Variants in BRIP1 observed in about 807,000 individuals in gnomAD.
BRIP1 encodes the protein BRCA1 interacting DNA helicase 1.
BRIP1 carries 88 observed loss-of-function variants against 119.7 expected under a neutral mutation model. The ratio of observed to expected loss-of-function variants is 0.74; its 90% confidence interval spans 0.62 to 0.88. The LOEUF is 0.88. Among genes scored for constraint, BRIP1 ranks in the 40% least tolerant of loss-of-function variants. BRIP1 has a pLI of 0.00. For missense variants in BRIP1, 1,259 were observed against 1,455.4 expected (o/e 0.87, Z 2.20); for synonymous variants, 443 against 496.5 (o/e 0.89, Z 1.43).
rs747391961 is a variant in BRIP1 at position 61,857,241 on chromosome 17, A to T, written c.206-10T>A. ...TCATCTGCTGGTTTCCCTAAAAATG[A>T]AAGAACATCTATTTATAATATATCT... On this transcript the variant is annotated splice_polypyrimidine_tract_variant and intron_variant, in intron 3 of 19. Transcript: ENST00000259008. The surrounding 1 kb of genome is among the most constrained non-coding windows in gnomAD (Gnocchi z 5.1). 5 of 1,606,238 alleles carry T rather than the reference A, an allele frequency of 3.1e-6. No homozygotes were observed. The South Asian group carries it at 5.5e-5, about 18-fold the overall frequency.
Position 61,799,353 on chromosome 17 carries a change from CAGCAGGCA to C in BRIP1, c.1141-62_1141-55del. On this transcript the variant is annotated intron_variant, in intron 8 of 19. Coordinates refer to ENST00000259008, the MANE Select transcript of BRIP1 (RefSeq NM_032043.3). This position sits in a 1 kb window ranked among gnomAD's most constrained non-coding sequence, Gnocchi z 5.1. ...ACATTTGGCAAAATAGATTTAACAACAGCAGGCAAGATATTTCATTTTAAAATTCACAC... is the reference window on the plus strand; with the variant it reads ...ACATTTGGCAAAATAGATTTAACAACAGATATTTCATTTTAAAATTCACAC... The C allele has an allele frequency of 7.4e-7, 1 of 1,360,316 alleles. No individual in the cohort carries two copies. Among genetic ancestry groups the C allele is most frequent in the South Asian group, 1.2e-5 (1 of 83,546 alleles). The allele number at this position is 1,360,316 out of a possible 1,614,324, so 84.3% of individuals were successfully genotyped here. A position where few individuals can be genotyped will look rare whatever the true frequency, so the allele number is the denominator to read the frequency against.
chr17:61,743,408 T>C lies in BRIP1; in HGVS notation c.2258-274A>G, dbSNP rs890058849. ...AGTAAAAACATGTCAGAATAGCAACTTGCATATGAACTGTGTGATTATAAA... is the reference window on the plus strand; with the variant it reads ...AGTAAAAACATGTCAGAATAGCAACCTGCATATGAACTGTGTGATTATAAA... On this transcript the variant is annotated intron_variant, in intron 15 of 19. Coordinates refer to ENST00000259008, the MANE Select transcript of BRIP1 (RefSeq NM_032043.3). The surrounding 1 kb of genome is among the most constrained non-coding windows in gnomAD (Gnocchi z 4.3). Among the ~76,000 whole-genome samples, 2 of 152,152 alleles carry C rather than the reference T, an allele frequency of 1.3e-5. No homozygotes were observed. The highest frequency in any genetic ancestry group is 6.5e-5 in the Admixed American group (1 of 15,268).
chr17:61,706,142 C>A lies in BRIP1; in HGVS notation c.2492+9809G>T, dbSNP rs2061687104. 6.6e-6 allele frequency among the ~76,000 whole-genome samples: 1 copy of A among 151,940 alleles called. No homozygotes were observed. Among genetic ancestry groups the A allele is most frequent in the Admixed American group, 6.6e-5 (1 of 15,250 alleles). On this transcript the variant is annotated intron_variant, in intron 17 of 19. Transcript: ENST00000259008. The surrounding 1 kb of genome is among the most constrained non-coding windows in gnomAD (Gnocchi z 5.7). ...TCTTATGTCTTCTTGGTGAATTCAC[C>A]CTTTTATCATTATGTAATGTTCTCT... is the stretch of plus-strand genomic sequence containing the variant.
At position 61,726,514 on chromosome 17, in the gene BRIP1, C is replaced by A. The variant is rs2076767929; in HGVS notation, c.2380-10451G>T. 6.6e-6 allele frequency among the ~76,000 whole-genome samples: 1 copy of A among 152,158 alleles called. No homozygotes were observed. The highest frequency in any genetic ancestry group is 2.1e-4 in the South Asian group (1 of 4,824). ...ATCATTTTACCACCTGGACCGATTCCTTCTGAAAGAGCTCTGACTACATTA... is the reference window on the plus strand; with the variant it reads ...ATCATTTTACCACCTGGACCGATTCATTCTGAAAGAGCTCTGACTACATTA... On this transcript the variant is annotated intron_variant, in intron 16 of 19. Transcript: ENST00000259008. This position sits in a 1 kb window ranked among gnomAD's most constrained non-coding sequence, Gnocchi z 6.2.
At position 61,801,408 on chromosome 17, in the gene BRIP1, G is replaced by A. The variant is rs2077991700; in HGVS notation, c.985C>T (p.Gln329Ter). 6.2e-7 allele frequency: 1 copy of A among 1,613,852 alleles called. No individual in the cohort carries two copies. The highest frequency in any genetic ancestry group is 2.2e-5 in the East Asian group (1 of 44,854). The part of the protein sequence containing the change: ...ISDQHTLQTF[Q>*]GMCKAWDIEE... Reference sequence around the variant, plus strand: ...ATATCCCAGGCTTTGCACATCCCTTGGAAAGTCTGTAATGTGTGCTGATCA... The same window carrying A: ...ATATCCCAGGCTTTGCACATCCCTTAGAAAGTCTGTAATGTGTGCTGATCA... Residue 329 changes from glutamine to a stop codon, truncating the protein, a stop_gained, in exon 8 of 20, where the codon CAA becomes TAA. Transcript: ENST00000259008. LOFTEE classifies it high-confidence loss of function.
In BRIP1 at chr17:61,680,583, C is replaced by T. The variant is rs1007603841; in HGVS notation, c.*2713G>A. ...CAAGCTCCACCTCCCGGGTTCACGC[C>T]ATTCTCCTGCCTCAGCCTCCTGAGT... is the stretch of plus-strand genomic sequence containing the variant. On this transcript the variant is annotated 3_prime_UTR_variant, in exon 20 of 20. Transcript: ENST00000259008. Among the ~76,000 whole-genome samples the T allele has an allele frequency of 2.0e-5, 3 of 148,434 alleles. No individual in the cohort carries two copies. The highest frequency in any genetic ancestry group is 7.5e-5 in the African/African-American group (3 of 39,862).
chr17:61,682,399 T>C lies in BRIP1; in HGVS notation c.*897A>G, dbSNP rs747741322. The C allele has an allele frequency of 4.9e-6, 1 of 205,438 alleles. No individual in the cohort carries two copies. Among genetic ancestry groups the C allele is most frequent in the African/African-American group, 2.3e-5 (1 of 43,862 alleles). 12.7% of individuals were successfully genotyped at this position (205,438 alleles called of 1,614,324 possible). ...TGATGGTGAAGCTAAATAATTAGAA[T>C]AGAAAATTTGGAATACTTCATTTGG... On this transcript the variant is annotated 3_prime_UTR_variant, in exon 20 of 20. Transcript: ENST00000259008. This position sits in a 1 kb window ranked among gnomAD's most constrained non-coding sequence, Gnocchi z 4.9.
chr17:61,826,122 A>C (rs988167297), intron 6 of BRIP1, among the ~76,000 whole-genome samples: 1 of 152,212 alleles, frequency 6.6e-6, no homozygotes, highest in African/African-American at 2.4e-5. Context: ...CTGATCTTGA[A>C]CAAACCTACC....
At chr17:61,801,593 T>C (rs1387063487) in intron 7 of BRIP1, 119 bp from the exon 8 acceptor site, 3 of 949,254 alleles carry the variant, frequency 3.2e-6, no homozygotes, top group South Asian at 2.8e-5. Context: ...TTTTACTGGC[T>C]ACGCCACCAC....
Position 61,838,984 on chromosome 17 carries a change from A to G in BRIP1, c.627+8117T>C, listed in dbSNP as rs371221245. On this transcript the variant is annotated intron_variant, in intron 6 of 19. Transcript: ENST00000259008. ...TGAAACCACCTATCCCAAAATCTAC[A>G]GAAAATACTTTTATGATTTATAATA... is the stretch of plus-strand genomic sequence containing the variant. Among the ~76,000 whole-genome samples the G allele has an allele frequency of 6.6e-5, 10 of 152,246 alleles. No individual in the cohort carries two copies. In the South Asian group the frequency reaches 1.2e-3, roughly 19 times the overall value.
At position 61,752,262 on chromosome 17, in the gene BRIP1, T is replaced by A. The variant is rs531694055; in HGVS notation, c.2098-7671A>T. On this transcript the variant is annotated intron_variant, in intron 14 of 19. Coordinates refer to ENST00000259008, the MANE Select transcript of BRIP1 (RefSeq NM_032043.3). The surrounding 1 kb of genome is among the most constrained non-coding windows in gnomAD (Gnocchi z 6.2). ...TTAATATGATGAGTTAGAGGAGGGG[T>A]TATAACAGGTACATTTAGGCTACTA... Among the ~76,000 whole-genome samples, 65 of 151,982 alleles carry A rather than the reference T, an allele frequency of 4.3e-4. No individual in the cohort carries two copies. The highest frequency in any genetic ancestry group is 1.5e-3 in the African/African-American group (62 of 41,458).
rs2144506257 is a variant in BRIP1 at position 61,724,627 on chromosome 17, T to C, written c.2380-8564A>G. On this transcript the variant is annotated intron_variant, in intron 16 of 19. Coordinates refer to ENST00000259008, the MANE Select transcript of BRIP1 (RefSeq NM_032043.3). This position sits in a 1 kb window ranked among gnomAD's most constrained non-coding sequence, Gnocchi z 5.1. ...AGATGGTGGATTTTATCCCAACTCA[T>C]ACCAATACATATTATGATTTCAGTA... Among the ~76,000 whole-genome samples the C allele has an allele frequency of 6.6e-6, 1 of 152,276 alleles. No homozygotes were observed. The highest frequency in any genetic ancestry group is 2.1e-4 in the South Asian group (1 of 4,832).
rs556476311 is a variant in BRIP1 at position 61,726,618 on chromosome 17, G to A, written c.2380-10555C>T. On this transcript the variant is annotated intron_variant, in intron 16 of 19. Transcript: ENST00000259008. This position sits in a 1 kb window ranked among gnomAD's most constrained non-coding sequence, Gnocchi z 6.2. The stretch of plus-strand genomic sequence containing the variant: ...CTTGGAGTGGCTACTTTTTCATCAA[G>A]TGTCAATGAAAATATATACATTGGC... Among the ~76,000 whole-genome samples, 2 of 152,242 alleles carry A rather than the reference G, an allele frequency of 1.3e-5. No individual in the cohort carries two copies. The highest frequency in any genetic ancestry group is 4.8e-5 in the African/African-American group (2 of 41,544).
chr17:61,786,270 A>G (rs2077705792), intron 10 of BRIP1, among the ~76,000 whole-genome samples: 1 of 151,916 alleles, frequency 6.6e-6, no homozygotes, highest in Non-Finnish European at 1.5e-5. Flanking sequence ...CTAAATCATC[A>G]TTATACTTAA....
chr17:61,836,892 C>G (rs2078582739), intron 6 of BRIP1, among the ~76,000 whole-genome samples: 1 of 152,084 alleles, frequency 6.6e-6, no homozygotes, highest in African/African-American at 2.4e-5. Flanking sequence ...TATTCAGAGA[C>G]AGAATAGTGA....
intron 10 of BRIP1, among the ~76,000 whole-genome samples, chr17:61,787,203 ATATATAAAAATATATTATATAC>A (rs1567819969): frequency 8.8e-4 from 61 of 69,122 alleles, no homozygotes; most frequent in African/African-American, 4.2e-3. Context: ...ACTATATAAA[ATATATAAAAATATATTATATAC>A]TATATAAAAT....
intron 14 of BRIP1, among the ~76,000 whole-genome samples, chr17:61,772,025 C>T (rs966731283): frequency 2.6e-5 from 4 of 151,434 alleles, no homozygotes; most frequent in Non-Finnish European, 4.4e-5. Flanking sequence ...GGTATATATC[C>T]GAATGAATTG....
chr17:61,817,687 TAATC>T, intron 6 of BRIP1, among the ~76,000 whole-genome samples: 1 of 152,346 alleles, frequency 6.6e-6, no homozygotes, highest in South Asian at 2.1e-4. Context: ...TAATTTTAAT[TAATC>T]AAAAAACATA....
intron 14 of BRIP1, among the ~76,000 whole-genome samples, chr17:61,765,354 ATG>A (rs146643187): frequency 0.088 from 3,670 of 41,652 alleles, 266 homozygotes; most frequent in Middle Eastern, 0.12. Context: ...ATACATATGT[ATG>A]TGTGTGTGTG....
Sources: allele counts gnomAD v4.1 joint callset (sites outside exome capture counted in the v4.1 genomes callset), GRCh38; gene constraint gnomAD v4.1.1; non-coding constraint Gnocchi (gnomAD v3.1); transcripts MANE v1.5; gene names NCBI Gene and HGNC (gene_info 2026-07-23, HGNC 2026-07-21).